PDGFD: variants seen among roughly 807,000 people sequenced by gnomAD.
The protein encoded by PDGFD is platelet derived growth factor D.
In PDGFD, 30 loss-of-function variants were observed where a neutral mutation model predicts 44.7. The observed-to-expected ratio is 0.67, with a 90% CI of 0.50 to 0.91. The LOEUF is 0.91. PDGFD is among the 40% of genes least tolerant of loss of function. The probability of loss-of-function intolerance (pLI) is 0.00; values close to 1 mark genes in which losing one functional copy is unlikely to be tolerated. For missense variants in PDGFD, 445 were observed against 457.8 expected (o/e 0.97, Z 0.25); for synonymous variants, 173 against 168.4 (o/e 1.03, Z -0.21).
Position 103,964,715 on chromosome 11 carries a change from T to C in PDGFD, c.511-16991A>G, listed in dbSNP as rs529303326. 2.6e-5 allele frequency among the ~76,000 whole-genome samples: 4 copies of C among 152,052 alleles called. No homozygotes were observed. The East Asian group carries it at 7.7e-4, about 29-fold the overall frequency. On this transcript the variant is annotated intron_variant, in intron 3 of 6. Coordinates refer to ENST00000393158, the MANE Select transcript of PDGFD (RefSeq NM_025208.5). ...GGGAGGGCTGAGGTGCTGTCCTCTG[T>C]GAGGTGCACAGGGAGCAGGTGAGGT...
chr11:103,995,188 G>A (rs1407370152), intron 3 of PDGFD, among the ~76,000 whole-genome samples: 1 of 152,058 alleles, frequency 6.6e-6, no homozygotes, highest in Admixed American at 6.6e-5. Flanking sequence ...GCCTGTTGCT[G>A]CTTTTTAGTT....
chr11:103,930,215 T>G (rs1469418618), intron 5 of PDGFD, among the ~76,000 whole-genome samples: 1 of 152,196 alleles, frequency 6.6e-6, no homozygotes, highest in Non-Finnish European at 1.5e-5. Flanking sequence ...TTGGACATAC[T>G]GGTAAAGTGT....
At chr11:103,931,461 C>T (rs778484784) in intron 5 of PDGFD, among the ~76,000 whole-genome samples, 2 of 152,182 alleles carry the variant, frequency 1.3e-5, no homozygotes, top group Non-Finnish European at 2.9e-5. Context: ...ACTGTGCTGG[C>T]CATTCATCAA....
At chr11:104,060,927 C>A (rs1190487115) in intron 1 of PDGFD, among the ~76,000 whole-genome samples, 4 of 152,138 alleles carry the variant, frequency 2.6e-5, no homozygotes, top group Non-Finnish European at 5.9e-5. Flanking sequence ...CAATGTTGTG[C>A]AACCATCATC....
chr11:104,137,870 T>C (rs918214907), intron 1 of PDGFD, among the ~76,000 whole-genome samples: 1 of 151,872 alleles, frequency 6.6e-6, no homozygotes, highest in African/African-American at 2.4e-5. Context: ...TTTTTGCAAC[T>C]TTTGCTGACA....
chr11:104,151,131 G>A (rs190826426), intron 1 of PDGFD, among the ~76,000 whole-genome samples: 18 of 151,030 alleles, frequency 1.2e-4, no homozygotes, highest in Middle Eastern at 6.8e-3. Flanking sequence ...TAGAAAGCTC[G>A]CTCTCTCTCT....
chr11:103,939,588 A>G (rs1056426246), intron 5 of PDGFD, among the ~76,000 whole-genome samples: 1 of 152,076 alleles, frequency 6.6e-6, no homozygotes, highest in African/African-American at 2.4e-5. Context: ...TATGTTTTCA[A>G]TGAATTGTAG....
At chr11:104,083,130 T>C (rs1861071472) in intron 1 of PDGFD, among the ~76,000 whole-genome samples, 1 of 152,196 alleles carries the variant, frequency 6.6e-6, no homozygotes, top group Non-Finnish European at 1.5e-5. Context: ...ATTTTGTTGC[T>C]AGTAGAAAAT....
chr11:104,135,792 C>G (rs1861995415), intron 1 of PDGFD, among the ~76,000 whole-genome samples: 1 of 152,130 alleles, frequency 6.6e-6, no homozygotes, highest in African/African-American at 2.4e-5. Context: ...CTTAATGAAT[C>G]TGAGATGCCT....
intron 1 of PDGFD, among the ~76,000 whole-genome samples, chr11:104,146,747 G>A (rs1291327907): frequency 1.3e-5 from 2 of 151,960 alleles, no homozygotes; most frequent in Non-Finnish European, 2.9e-5. Flanking sequence ...CATCTGAATT[G>A]TACTTGGCTG....
At chr11:104,086,635 G>A (rs562278886) in intron 1 of PDGFD, among the ~76,000 whole-genome samples, 3 of 152,266 alleles carry the variant, frequency 2.0e-5, no homozygotes, top group South Asian at 2.1e-4. Context: ...AATATCACCC[G>A]GTTCAGACCA....
intron 5 of PDGFD, among the ~76,000 whole-genome samples, chr11:103,942,971 C>T (rs1355004340): frequency 6.6e-6 from 1 of 152,110 alleles, no homozygotes; most frequent in East Asian, 1.9e-4. Context: ...AAGATCTCAT[C>T]CAGCTCCAAA....
rs760784352 is a variant in PDGFD, at chr11:103,996,148, T to C, written c.427A>G (p.Arg143Gly). 25 of 1,613,830 alleles carry C rather than the reference T, an allele frequency of 1.5e-5. No homozygotes were observed. Among genetic ancestry groups the C allele is most frequent in the Non-Finnish European group, 2.1e-5 (25 of 1,179,820 alleles). ...HKEVPPRIKS[R>G]TNQIKITFKS... Reference sequence around the variant, plus strand: ...AATGTGATTTTAATTTGGTTCGTTCTTGATTTTATCCTTGGAGGAACTTCC... The same window carrying C: ...AATGTGATTTTAATTTGGTTCGTTCCTGATTTTATCCTTGGAGGAACTTCC... Residue 143 changes from arginine to glycine, a missense_variant, in exon 3 of 7, where the codon AGA (arginine) becomes GGA (glycine). By Grantham distance (125) the Arg-to-Gly change is moderately radical. Transcript: ENST00000393158.
At chr11:104,036,601 A>G (rs1048924519) in intron 1 of PDGFD, 24 of 581,962 alleles carry the variant, frequency 4.1e-5, no homozygotes, top group African/African-American at 4.1e-4. Context: ...TTGGAACACA[A>G]CGTGCTACCT....
intron 1 of PDGFD, among the ~76,000 whole-genome samples, chr11:104,135,965 G>C (rs1591181722): frequency 6.6e-6 from 1 of 152,180 alleles, no homozygotes; most frequent in African/African-American, 2.4e-5. Context: ...CTCTCTGGAA[G>C]CCTGGGAAGG....
intron 3 of PDGFD, among the ~76,000 whole-genome samples, chr11:103,988,703 C>T (rs1008370222): frequency 6.6e-6 from 1 of 152,114 alleles, no homozygotes. Context: ...GATAGCAGCA[C>T]ATATGTATGA....
chr11:103,979,514 C>A (rs370048558), intron 3 of PDGFD, among the ~76,000 whole-genome samples: 7 of 152,058 alleles, frequency 4.6e-5, no homozygotes, highest in African/African-American at 1.7e-4. Context: ...ATTTGTATCC[C>A]TAGGTCTTTC....
intron 1 of PDGFD, 77 bp downstream of exon 1, chr11:104,163,727 G>A (rs936868454): frequency 7.0e-7 from 1 of 1,429,722 alleles, no homozygotes; most frequent in Non-Finnish European, 9.3e-7. Flanking sequence ...AAAAAGAAAG[G>A]GGAAAAACAT....
In PDGFD at chr11:103,908,922, C is replaced by G. The variant is rs906249728; in HGVS notation, c.*772G>C. 6.6e-6 allele frequency: 1 copy of G among 152,090 alleles called. No individual in the cohort carries two copies. Among genetic ancestry groups the G allele is most frequent in the African/African-American group, 2.4e-5 (1 of 41,410 alleles). The allele number at this position is 152,090 out of a possible 1,614,324, so 9.4% of individuals were successfully genotyped here. ...AGCTTATACATTGTCTTTTGTAGGA[C>G]TATAATAAAAAACCTTCTAAGTAAG... On this transcript the variant is annotated 3_prime_UTR_variant, in exon 7 of 7. Transcript: ENST00000393158.
Sources: gnomAD v4.1 joint callset for allele counts (sites outside exome capture counted in the v4.1 genomes callset) on GRCh38, gnomAD v4.1.1 for gene constraint, MANE v1.5 for transcripts, NCBI Gene and HGNC (gene_info 2026-07-23, HGNC 2026-07-21) for gene names.